The following IGFBPL1 variants were observed in gnomAD, a reference collection of about 807,000 sequenced individuals.
The protein encoded by IGFBPL1 is insulin-like growth factor-binding protein-like 1.
IGFBPL1 carries 20 observed loss-of-function variants against 23.9 expected under a neutral mutation model. The observed-to-expected ratio is 0.84, with a 90% CI of 0.59 to 1.22. The LOEUF (loss-of-function observed/expected upper bound fraction) is 1.22. IGFBPL1 is among the 50% of genes most tolerant of loss of function. The probability of loss-of-function intolerance (pLI) is 0.00; values close to 1 mark genes in which losing one functional copy is unlikely to be tolerated. For synonymous variants in IGFBPL1, 184 were observed against 171.8 expected (o/e 1.07, Z -0.56); for missense variants, 436 against 379.3 (o/e 1.15, Z -1.24).
chr9:38,419,891 C>CCTCCTTCTT (rs1554661912), intron 1 of IGFBPL1, among the ~76,000 whole-genome samples: 19 of 126,270 alleles, frequency 1.5e-4, no homozygotes, highest in African/African-American at 5.9e-4. Flanking sequence ...TCCTCCTCCT[C>CCTCCTTCTT]CTTCTTCTTC....
intron 1 of IGFBPL1, among the ~76,000 whole-genome samples, chr9:38,421,341 C>A (rs979231731): frequency 1.1e-4 from 16 of 147,806 alleles, no homozygotes; most frequent in Non-Finnish European, 2.2e-4. Flanking sequence ...AAGAATTATT[C>A]ATATGTGAGT....
chr9:38,418,307 G>T (rs1385173107), intron 1 of IGFBPL1, among the ~76,000 whole-genome samples: 1 of 152,148 alleles, frequency 6.6e-6, no homozygotes, highest in Non-Finnish European at 1.5e-5. Context: ...CCCAGTCTTG[G>T]CCTCAGTGTC....
At chr9:38,421,827 C>A (rs895461860) in intron 1 of IGFBPL1, among the ~76,000 whole-genome samples, 1 of 152,190 alleles carries the variant, frequency 6.6e-6, no homozygotes, top group African/African-American at 2.4e-5. Context: ...GAGTGACAGG[C>A]AAACAGTGCC....
At chr9:38,421,775 C>G (rs1341338763) in intron 1 of IGFBPL1, among the ~76,000 whole-genome samples, 3 of 152,212 alleles carry the variant, frequency 2.0e-5, no homozygotes, top group African/African-American at 7.2e-5. Flanking sequence ...CATGCTTTAT[C>G]TGGACACAAG....
Position 38,414,615 on chromosome 9 carries a change from G to A in IGFBPL1, c.461-412C>T, listed in dbSNP as rs553305191. Among the ~76,000 whole-genome samples, 485 of 152,286 alleles carry A rather than the reference G, an allele frequency of 3.2e-3. 6 individuals carry two copies. Among genetic ancestry groups the A allele is most frequent in the Non-Finnish European group, 4.2e-3 (288 of 68,022 alleles). Reference sequence around the variant, plus strand: ...CCAACGGCAGAGTCTTCTAACAGATGGGCTTTTCTCCTTCCACGTGGAGGG... The same window carrying A: ...CCAACGGCAGAGTCTTCTAACAGATAGGCTTTTCTCCTTCCACGTGGAGGG... On this transcript the variant is annotated intron_variant, in intron 1 of 4. Transcript: ENST00000377694.
chr9:38,420,715 T>C (rs192472407), intron 1 of IGFBPL1, among the ~76,000 whole-genome samples: 1 of 152,274 alleles, frequency 6.6e-6, no homozygotes, highest in African/African-American at 2.4e-5. Context: ...TGGGCGCCTG[T>C]AGTCCCAGCT....
intron 1 of IGFBPL1, among the ~76,000 whole-genome samples, chr9:38,422,703 G>A (rs576531986): frequency 4.7e-4 from 72 of 152,310 alleles, no homozygotes; most frequent in African/African-American, 1.7e-3. Flanking sequence ...GCTAGGAACA[G>A]CCAATGGTGA....
intron 2 of IGFBPL1, among the ~76,000 whole-genome samples, chr9:38,413,555 C>G (rs1319529027): frequency 6.6e-6 from 1 of 152,250 alleles, no homozygotes; most frequent in Non-Finnish European, 1.5e-5. Context: ...CTCTGCCAGA[C>G]AGCAAAGACC....
intron 4 of IGFBPL1, among the ~76,000 whole-genome samples, chr9:38,409,826 C>T (rs573954139): frequency 3.3e-5 from 5 of 152,164 alleles, no homozygotes; most frequent in African/African-American, 9.7e-5. Flanking sequence ...TAACTACTCA[C>T]GTACACCCAT....
intron 1 of IGFBPL1, among the ~76,000 whole-genome samples, chr9:38,419,192 A>G (rs1821639632): frequency 6.6e-6 from 1 of 152,058 alleles, no homozygotes; most frequent in African/African-American, 2.4e-5. Context: ...TAGGGAAAGA[A>G]AGGATATCAA....
chr9:38,419,236 A>G (rs1821640696), intron 1 of IGFBPL1, among the ~76,000 whole-genome samples: 1 of 152,134 alleles, frequency 6.6e-6, no homozygotes, highest in Non-Finnish European at 1.5e-5. Context: ...CTTGTATTAA[A>G]AAGCACATAA....
chr9:38,421,525 G>A lies in IGFBPL1; in HGVS notation c.460+2440C>T, dbSNP rs184458903. On this transcript the variant is annotated intron_variant, in intron 1 of 4. Transcript: ENST00000377694. ...GTGAACAACATAATAAATACTTCCC[G>A]AGGCCTCATTCCATGAAATCTAGGT... 5.3e-5 allele frequency among the ~76,000 whole-genome samples: 8 copies of A among 152,090 alleles called. No individual in the cohort carries two copies. In the East Asian group the frequency reaches 5.8e-4, roughly 11 times the overall value.
chr9:38,409,669 A>G lies in IGFBPL1; in HGVS notation c.*10-452T>C, dbSNP rs933437691. On this transcript the variant is annotated intron_variant, in intron 4 of 4. Transcript: ENST00000377694. ...ACGTGTATTTGAAAATTATAGATATATATATTTAAAACTGGAAACATATCT... is the reference window on the plus strand; with the variant it reads ...ACGTGTATTTGAAAATTATAGATATGTATATTTAAAACTGGAAACATATCT... Among the ~76,000 whole-genome samples the G allele has an allele frequency of 2.8e-4, 43 of 152,332 alleles. 1 individual carries two copies. The highest frequency in any genetic ancestry group is 2.6e-3 in the Admixed American group (40 of 15,302).
rs1821443071 is a variant in IGFBPL1, at chr9:38,407,451, T to C, written c.*1776A>G. 6.6e-6 allele frequency among the ~76,000 whole-genome samples: 1 copy of C among 152,230 alleles called. No homozygotes were observed. On this transcript the variant is annotated 3_prime_UTR_variant, in exon 5 of 5. Coordinates refer to ENST00000377694, the MANE Select transcript of IGFBPL1 (RefSeq NM_001007563.3). ...TTCTGCTGCATAGTACAGAAGGTGA[T>C]GCCATCCCAATATATTAGACATGGA...
chr9:38,417,626 T>A (rs1285643165), intron 1 of IGFBPL1, among the ~76,000 whole-genome samples: 2 of 152,202 alleles, frequency 1.3e-5, no homozygotes, highest in African/African-American at 4.8e-5. Context: ...CAGCATTTAG[T>A]GGTACTCAGG....
chr9:38,409,250 C>A (rs1366569645), intron 4 of IGFBPL1, 33 bp from the exon 5 acceptor site: 1 of 152,172 alleles, frequency 6.6e-6, no homozygotes, highest in Non-Finnish European at 1.5e-5. Context: ...AATTAGAGAA[C>A]GTAAGCCTGC....
At chr9:38,413,166 ATGTGT>A in intron 3 of IGFBPL1, 66 bp downstream of exon 3, 2 of 1,015,364 alleles carry the variant, frequency 2.0e-6, no homozygotes, top group South Asian at 1.4e-5. Flanking sequence ...GAAACATGTA[ATGTGT>A]TGTAGAAATA....
At chr9:38,414,809 G>A (rs545387298) in intron 1 of IGFBPL1, among the ~76,000 whole-genome samples, 176 of 152,294 alleles carry the variant, frequency 1.2e-3, no homozygotes, top group African/African-American at 4.0e-3. Flanking sequence ...GGGCAAATCA[G>A]GGAATCAGGG....
intron 1 of IGFBPL1, among the ~76,000 whole-genome samples, chr9:38,420,933 C>T (rs548958853): frequency 1.3e-5 from 2 of 152,262 alleles, no homozygotes; most frequent in Non-Finnish European, 2.9e-5. Context: ...CTTCCATGTG[C>T]CTCAGCTTTC....
Sources: gnomAD v4.1 joint callset for allele counts (sites outside exome capture counted in the v4.1 genomes callset) on GRCh38, gnomAD v4.1.1 for gene constraint, MANE v1.5 for transcripts, NCBI Gene and HGNC (gene_info 2026-07-23, HGNC 2026-07-21) for gene names.